The following SULF2 variants were observed in gnomAD, a reference collection of about 807,000 sequenced individuals.
SULF2 encodes sulfatase 2, also known as extracellular sulfatase Sulf-2.
A neutral mutation model predicts 107.7 loss-of-function variants in SULF2; 52 were observed. That is an observed-to-expected ratio of 0.48 (90% CI 0.39 to 0.61). The LOEUF is 0.61. Ranked by LOEUF, SULF2 falls within the 20% of genes least tolerant of loss-of-function variation. The probability of loss-of-function intolerance (pLI) is 0.00; values close to 1 mark genes in which losing one functional copy is unlikely to be tolerated. For missense variants in SULF2, 993 were observed against 1,177.3 expected, an observed-to-expected ratio of 0.84 and a Z score of 2.29; for synonymous variants, 460 against 464.3, an observed-to-expected ratio of 0.99 and a Z score of 0.12.
At chr20:47,765,218 G>A (rs927234486) in intron 1 of SULF2, among the ~76,000 whole-genome samples, 1 of 152,076 alleles carries the variant, frequency 6.6e-6, no homozygotes, top group Admixed American at 6.6e-5. Context: ...AGCTGGGCGT[G>A]GTGGCGGGCG....
At chr20:47,709,280 G>A (rs574812440) in intron 3 of SULF2, among the ~76,000 whole-genome samples, 1 of 152,166 alleles carries the variant, frequency 6.6e-6, no homozygotes, top group Non-Finnish European at 1.5e-5. Context: ...CGTGGGGGTG[G>A]GAAAATTTGG....
Position 47,663,311 on chromosome 20 carries a change from C to G in SULF2, c.2228-99G>C, listed in dbSNP as rs2037691665. ...GGGACAGCCCCTAAAACCAGTTCGT[C>G]AAATGCCAAGAGGCTGTCCCGAGCA... On this transcript the variant is annotated intron_variant, in intron 16 of 20. Coordinates refer to ENST00000688720, the MANE Select transcript of SULF2 (RefSeq NM_001387048.1). 4 of 1,584,584 alleles carry G rather than the reference C, an allele frequency of 2.5e-6. No homozygotes were observed. In the South Asian group the frequency reaches 4.6e-5, roughly 18 times the overall value.
At chr20:47,771,476 C>T (rs185431553) in intron 1 of SULF2, among the ~76,000 whole-genome samples, 17 of 152,294 alleles carry the variant, frequency 1.1e-4, no homozygotes, top group Non-Finnish European at 1.9e-4. Flanking sequence ...ACCTAACAAA[C>T]CCAGAAAACC....
chr20:47,678,927 G>A lies in SULF2; in HGVS notation c.1065-123C>T. ...GAGGCTGACATCTGCAGGTATGGAA[G>A]CTGCAGTCTGGCACCTCAACCTCAG... On this transcript the variant is annotated intron_variant, in intron 7 of 20. Transcript: ENST00000688720. The surrounding 1 kb of genome is among the most constrained non-coding windows in gnomAD (Gnocchi z 4.5). 1 of 811,220 alleles carries A rather than the reference G, an allele frequency of 1.2e-6. No individual in the cohort carries two copies. Among genetic ancestry groups the A allele is most frequent in the South Asian group, 1.5e-5 (1 of 64,596 alleles). The allele number at this position is 811,220 out of a possible 1,614,324, so 50.3% of individuals were successfully genotyped here.
intron 2 of SULF2, among the ~76,000 whole-genome samples, chr20:47,750,662 G>A (rs544146724): frequency 3.3e-5 from 5 of 152,208 alleles, no homozygotes; most frequent in Non-Finnish European, 7.3e-5. Flanking sequence ...CTCTATTGGT[G>A]TCCATCTCAC....
chr20:47,755,452 TG>T (rs1305286394), intron 2 of SULF2, among the ~76,000 whole-genome samples: 4 of 152,174 alleles, frequency 2.6e-5, no homozygotes, highest in Non-Finnish European at 5.9e-5. Flanking sequence ...GTTGCAAAAA[TG>T]TGTTGTTCCT....
intron 8 of SULF2, chr20:47,677,807 T>TG (rs2087699203): frequency 6.5e-6 from 1 of 152,906 alleles, no homozygotes; most frequent in South Asian, 2.1e-4. Context: ...ACATGTCCAT[T>TG]TTATACCATT....
intron 5 of SULF2, chr20:47,689,901 TG>T: frequency 2.7e-6 from 1 of 375,810 alleles, no homozygotes; most frequent in Non-Finnish European, 4.6e-6. Flanking sequence ...TGGGAGGCCG[TG>T]TATCCCAAGT....
At chr20:47,718,596 G>A (rs973424441) in intron 3 of SULF2, among the ~76,000 whole-genome samples, 2 of 152,218 alleles carry the variant, frequency 1.3e-5, no homozygotes, top group African/African-American at 2.4e-5. Flanking sequence ...CGTGGCAGGC[G>A]AAGGGCTTGG....
At chr20:47,699,704 A>G (rs1602675671) in intron 4 of SULF2, among the ~76,000 whole-genome samples, 1 of 152,298 alleles carries the variant, frequency 6.6e-6, no homozygotes, top group South Asian at 2.1e-4. Flanking sequence ...GGCATGCTCA[A>G]TTGATGCAAG....
chr20:47,774,982 T>G lies in SULF2; in HGVS notation c.-101+10361A>C, dbSNP rs1475237112. Among the ~76,000 whole-genome samples the G allele has an allele frequency of 5.3e-5, 8 of 152,152 alleles. 1 individual carries two copies. Among genetic ancestry groups the G allele is most frequent in the Non-Finnish European group, 1.2e-4 (8 of 68,008 alleles). On this transcript the variant is annotated intron_variant, in intron 1 of 20. Coordinates refer to ENST00000688720, the MANE Select transcript of SULF2 (RefSeq NM_001387048.1). ...CCAAGGTCCCCAGAATTTCCTCAGT[T>G]CCTGACCTGTCCTTTCCTGAGCCCC...
chr20:47,661,904 CA>C lies in SULF2; in HGVS notation c.2371-9del. Reference sequence around the variant, plus strand: ...GTTCACTGCATTCATCAGCTGGTTGCAAAAAAGGTAGTCTGTCAACAAGGTA... The same window carrying C: ...GTTCACTGCATTCATCAGCTGGTTGCAAAAAGGTAGTCTGTCAACAAGGTA... On this transcript the variant is annotated splice_polypyrimidine_tract_variant and intron_variant, in intron 17 of 20. Transcript: ENST00000688720. 15 of 1,533,784 alleles carry C rather than the reference CA, an allele frequency of 9.8e-6. No homozygotes were observed. The highest frequency in any genetic ancestry group is 5.6e-5 in the Admixed American group (3 of 53,534).
chr20:47,662,637 G>A (rs2087114496), intron 17 of SULF2, among the ~76,000 whole-genome samples: 1 of 152,204 alleles, frequency 6.6e-6, no homozygotes, highest in Non-Finnish European at 1.5e-5. Flanking sequence ...AGTCGCATGT[G>A]TGTTTAGATG....
intron 4 of SULF2, among the ~76,000 whole-genome samples, chr20:47,697,931 G>A (rs2088438964): frequency 6.6e-6 from 1 of 152,222 alleles, no homozygotes; most frequent in African/African-American, 2.4e-5. Context: ...CTGGGAGGAG[G>A]GAAACAGCGT....
chr20:47,774,770 C>T (rs2090695168), intron 1 of SULF2, among the ~76,000 whole-genome samples: 1 of 152,174 alleles, frequency 6.6e-6, no homozygotes, highest in Non-Finnish European at 1.5e-5. Flanking sequence ...TTGAGGACTC[C>T]CTCCCCTCTG....
chr20:47,695,833 G>A (rs915252870), intron 4 of SULF2, among the ~76,000 whole-genome samples: 3 of 152,156 alleles, frequency 2.0e-5, no homozygotes, highest in Non-Finnish European at 2.9e-5. Context: ...GGCTGGTCTC[G>A]AACTCCTGGC....
chr20:47,766,603 G>C (rs1278493938), intron 1 of SULF2, among the ~76,000 whole-genome samples: 1 of 152,200 alleles, frequency 6.6e-6, no homozygotes, highest in Non-Finnish European at 1.5e-5. Flanking sequence ...CACAGTTCTT[G>C]GCACTGTGGA....
chr20:47,773,574 C>T (rs2090671087), intron 1 of SULF2, among the ~76,000 whole-genome samples: 1 of 152,250 alleles, frequency 6.6e-6, no homozygotes, highest in African/African-American at 2.4e-5. Flanking sequence ...GCTGTCCTTT[C>T]TGGCTGTTTA....
intron 3 of SULF2, among the ~76,000 whole-genome samples, chr20:47,732,196 A>G (rs1292876807): frequency 2.0e-5 from 3 of 152,154 alleles, no homozygotes; most frequent in Non-Finnish European, 4.4e-5. Flanking sequence ...GCACCCAGCC[A>G]TCATTGCTAA....
Sources: gnomAD v4.1 joint callset for allele counts (sites outside exome capture counted in the v4.1 genomes callset) on GRCh38, gnomAD v4.1.1 for gene constraint, Gnocchi (gnomAD v3.1) non-coding constraint, MANE v1.5 for transcripts, NCBI Gene and HGNC (gene_info 2026-07-23, HGNC 2026-07-21) for gene names.